CRTC3: variants seen among roughly 807,000 people sequenced by gnomAD.
CRTC3 encodes the protein CREB-regulated transcription coactivator 3.
CRTC3 carries 26 observed loss-of-function variants against 74.5 expected under a neutral mutation model. The ratio of observed to expected loss-of-function variants is 0.35; its 90% CI spans 0.26 to 0.48. The LOEUF (loss-of-function observed/expected upper bound fraction) is 0.48. Ranked by LOEUF, CRTC3 falls within the 20% of genes least tolerant of loss-of-function variation. CRTC3 has a pLI of 0.99. For missense variants in CRTC3, 760 were observed against 787.3 expected, an observed-to-expected ratio of 0.97 and a Z score of 0.41; for synonymous variants, 377 against 325.8, an observed-to-expected ratio of 1.16 and a Z score of -1.69.
intron 9 of CRTC3, 100 bp downstream of exon 9, chr15:90,619,890 C>A: frequency 1.0e-6 from 1 of 966,830 alleles, no homozygotes; most frequent in Admixed American, 2.2e-5. Context: ...ACGTAACTTG[C>A]TATGCATAAA....
chr15:90,634,474 TAATA>T (rs1969160168), intron 11 of CRTC3, among the ~76,000 whole-genome samples: 1 of 152,246 alleles, frequency 6.6e-6, no homozygotes, highest in Admixed American at 6.5e-5. Context: ...TATGTATCTC[TAATA>T]GATAAGGATT....
intron 11 of CRTC3, 93 bp downstream of exon 11, chr15:90,629,625 C>G: frequency 1.6e-6 from 2 of 1,285,002 alleles, no homozygotes; most frequent in South Asian, 2.7e-5. Flanking sequence ...GGGTTACACT[C>G]ATTATTACAC....
intron 11 of CRTC3, among the ~76,000 whole-genome samples, chr15:90,633,028 CAT>C (rs994456270): frequency 7.7e-4 from 117 of 152,316 alleles, no homozygotes; most frequent in African/African-American, 2.7e-3. Flanking sequence ...CCACCACACA[CAT>C]ATGTGCGCAC....
At chr15:90,582,022 C>A (rs987618661) in intron 2 of CRTC3, among the ~76,000 whole-genome samples, 1 of 152,130 alleles carries the variant, frequency 6.6e-6, no homozygotes, top group Admixed American at 6.5e-5. Flanking sequence ...TGGCCAGTTG[C>A]CTTACCAGCC....
intron 6 of CRTC3, among the ~76,000 whole-genome samples, chr15:90,607,910 A>G (rs918460858): frequency 3.3e-5 from 5 of 152,210 alleles, no homozygotes; most frequent in African/African-American, 9.6e-5. Flanking sequence ...TACTAAGACC[A>G]GGTTGGAGGA....
At chr15:90,576,677 C>T (rs982979134) in intron 2 of CRTC3, among the ~76,000 whole-genome samples, 18 of 152,114 alleles carry the variant, frequency 1.2e-4, no homozygotes, top group African/African-American at 2.7e-4. Context: ...AAAAATGGGA[C>T]GGCATGGAGC....
At chr15:90,633,066 CCCT>C (rs542739299) in intron 11 of CRTC3, among the ~76,000 whole-genome samples, 117 of 152,310 alleles carry the variant, frequency 7.7e-4, no homozygotes, top group Middle Eastern at 3.4e-3. Flanking sequence ...TTCCTACCCA[CCCT>C]CCTCATTTAT....
At chr15:90,555,282 C>T (rs1315450383) in intron 2 of CRTC3, among the ~76,000 whole-genome samples, 1 of 152,150 alleles carries the variant, frequency 6.6e-6, no homozygotes, top group Admixed American at 6.6e-5. Flanking sequence ...AACATTTGTT[C>T]TGACTATTAA....
At chr15:90,552,418 G>A (rs2151062137) in intron 2 of CRTC3, among the ~76,000 whole-genome samples, 1 of 152,286 alleles carries the variant, frequency 6.6e-6, no homozygotes, top group Non-Finnish European at 1.5e-5. Flanking sequence ...GTCATCTAAT[G>A]GTCTTCAGAA....
intron 11 of CRTC3, among the ~76,000 whole-genome samples, chr15:90,635,916 C>G (rs1245000623): frequency 1.3e-5 from 2 of 152,008 alleles, no homozygotes; most frequent in East Asian, 1.9e-4. Flanking sequence ...AGGATACAAA[C>G]AAATGGAAGA....
chr15:90,645,113 C>T lies in CRTC3; in HGVS notation c.*2973C>T. ...TATTTGCAGACCTTTCCTGTTCCCA[C>T]TCTTGTTGGCTCTTCTGATTTATGC... On this transcript the variant is annotated 3_prime_UTR_variant, in exon 15 of 15. Transcript: ENST00000268184. 4.3e-6 allele frequency: 1 copy of T among 230,200 alleles called. No homozygotes were observed. The highest frequency in any genetic ancestry group is 8.6e-6 in the Non-Finnish European group (1 of 115,964). The allele number at this position is 230,200 out of a possible 1,614,324, so 14.3% of individuals were successfully genotyped here.
chr15:90,610,816 T>TG (rs1968338577), intron 6 of CRTC3, among the ~76,000 whole-genome samples: 2 of 152,210 alleles, frequency 1.3e-5, no homozygotes, highest in Admixed American at 1.3e-4. Flanking sequence ...GAGGAGGGAC[T>TG]GGGGTGGTCT....
intron 11 of CRTC3, among the ~76,000 whole-genome samples, chr15:90,636,089 A>G (rs1468099929): frequency 6.6e-6 from 1 of 152,042 alleles, no homozygotes; most frequent in Non-Finnish European, 1.5e-5. Context: ...AAAAGAGCCC[A>G]CATTGCCAAG....
At chr15:90,566,381 C>T (rs1004147055) in intron 2 of CRTC3, among the ~76,000 whole-genome samples, 45 of 152,016 alleles carry the variant, frequency 3.0e-4, no homozygotes, top group African/African-American at 1.1e-3. Context: ...GAAACCCCGT[C>T]TCTACTAAAA....
At chr15:90,574,681 C>T (rs148160064) in intron 2 of CRTC3, among the ~76,000 whole-genome samples, 116 of 152,304 alleles carry the variant, frequency 7.6e-4, no homozygotes, top group African/African-American at 2.7e-3. Context: ...ATGAAAGTGC[C>T]TGTTTGCCCA....
At chr15:90,580,248 G>A (rs994991754) in intron 2 of CRTC3, among the ~76,000 whole-genome samples, 2 of 152,030 alleles carry the variant, frequency 1.3e-5, no homozygotes, top group Non-Finnish European at 2.9e-5. Context: ...GTTCTCAAAG[G>A]TTCAGCACTG....
chr15:90,531,675 A>G (rs1966629272), intron 1 of CRTC3, among the ~76,000 whole-genome samples: 1 of 152,208 alleles, frequency 6.6e-6, no homozygotes, highest in Non-Finnish European at 1.5e-5. Context: ...AGATTCAGAG[A>G]TGAACTCGAT....
chr15:90,603,750 C>A (rs536306740), intron 4 of CRTC3, among the ~76,000 whole-genome samples: 12 of 152,158 alleles, frequency 7.9e-5, no homozygotes, highest in Non-Finnish European at 1.5e-4. Context: ...ATTCTCTGGG[C>A]AAATACTGAC....
rs574253586 is a variant in CRTC3 at position 90,642,262 on chromosome 15, C to T, written c.*122C>T. On this transcript the variant is annotated 3_prime_UTR_variant, in exon 15 of 15. Coordinates refer to ENST00000268184, the MANE Select transcript of CRTC3 (RefSeq NM_022769.5). Reference sequence around the variant, plus strand: ...GACATAGAAGGAAGCAATGCCACGGCTCCAGGGTTTCAGATGAGATCCCAT... The same window carrying T: ...GACATAGAAGGAAGCAATGCCACGGTTCCAGGGTTTCAGATGAGATCCCAT... 2.7e-4 allele frequency: 201 copies of T among 755,484 alleles called. 3 individuals are homozygous for T. In the South Asian group the frequency reaches 2.7e-3, roughly 10 times the overall value. The allele number at this position is 755,484 out of a possible 1,614,324, so 46.8% of individuals were successfully genotyped here.
Sources: allele counts gnomAD v4.1 joint callset (sites outside exome capture counted in the v4.1 genomes callset), GRCh38; gene constraint gnomAD v4.1.1; transcripts MANE v1.5; gene names NCBI Gene and HGNC (gene_info 2026-07-23, HGNC 2026-07-21).